The following BMP6 variants were observed in gnomAD, a reference collection of about 807,000 sequenced individuals.
The protein encoded by BMP6 is VG-1-R.
A neutral mutation model predicts 54.1 loss-of-function variants in BMP6; 17 were observed. That is an observed-to-expected ratio of 0.31 (90% confidence interval 0.22 to 0.47). The LOEUF (loss-of-function observed/expected upper bound fraction) is 0.47. BMP6 is among the 20% of genes least tolerant of loss of function. BMP6 has a pLI of 1.00. For missense variants in BMP6, 720 were observed against 690.4 expected (o/e 1.04, Z -0.48); for synonymous variants, 328 against 291.2 (o/e 1.13, Z -1.28).
intron 1 of BMP6, among the ~76,000 whole-genome samples, chr6:7,765,721 C>G (rs1757676551): frequency 6.6e-6 from 1 of 152,230 alleles, no homozygotes. Context: ...GTTATTCTCT[C>G]ACAGCTGTGT....
intron 1 of BMP6, among the ~76,000 whole-genome samples, chr6:7,833,534 G>C (rs1012148053): frequency 6.6e-6 from 1 of 152,184 alleles, no homozygotes; most frequent in Non-Finnish European, 1.5e-5. Context: ...AGAAACGCAA[G>C]CCTCTTTGGA....
At chr6:7,848,158 T>C (rs985312838) in intron 2 of BMP6, among the ~76,000 whole-genome samples, 3 of 152,198 alleles carry the variant, frequency 2.0e-5, no homozygotes, top group African/African-American at 7.2e-5. Context: ...TGAAACTATA[T>C]TTGTAAAGAG....
chr6:7,836,402 C>CATGTGATAG (rs1014464532), intron 1 of BMP6, among the ~76,000 whole-genome samples: 10 of 152,142 alleles, frequency 6.6e-5, no homozygotes, highest in African/African-American at 2.4e-4. Flanking sequence ...TGGATCTATA[C>CATGTGATAG]ATGTGATAAG....
At chr6:7,808,914 T>TACAA (rs1758393273) in intron 1 of BMP6, among the ~76,000 whole-genome samples, 1 of 89,002 alleles carries the variant, frequency 1.1e-5, no homozygotes, top group East Asian at 3.2e-4. Flanking sequence ...ACCCTGTCTC[T>TACAA]AAAAAAAAAA....
intron 1 of BMP6, among the ~76,000 whole-genome samples, chr6:7,774,543 C>T (rs1381973898): frequency 6.6e-6 from 1 of 152,156 alleles, no homozygotes; most frequent in Non-Finnish European, 1.5e-5. Flanking sequence ...CAGAGGGAGA[C>T]TCTGTCTCAA....
chr6:7,827,006 C>T (rs963880211), intron 1 of BMP6, among the ~76,000 whole-genome samples: 1 of 152,184 alleles, frequency 6.6e-6, no homozygotes. Context: ...TGGTACAGAT[C>T]CACCACAACC....
chr6:7,799,882 G>T (rs1758244168), intron 1 of BMP6, among the ~76,000 whole-genome samples: 1 of 152,098 alleles, frequency 6.6e-6, no homozygotes, highest in African/African-American at 2.4e-5. Context: ...ATCTGCATTT[G>T]CTTAAGGAAC....
intron 2 of BMP6, among the ~76,000 whole-genome samples, chr6:7,860,533 C>G (rs1389696522): frequency 6.6e-6 from 1 of 152,170 alleles, no homozygotes; most frequent in Non-Finnish European, 1.5e-5. Flanking sequence ...CACCGTCATC[C>G]CACAGCCCCT....
intron 2 of BMP6, among the ~76,000 whole-genome samples, chr6:7,853,016 G>A (rs1002329132): frequency 8.5e-5 from 13 of 152,054 alleles, no homozygotes; most frequent in Non-Finnish European, 2.9e-5. Context: ...GTGATACTGC[G>A]TAAAGCTCTA....
intron 1 of BMP6, among the ~76,000 whole-genome samples, chr6:7,765,628 G>A (rs1341179452): frequency 6.6e-6 from 1 of 152,234 alleles, no homozygotes; most frequent in East Asian, 1.9e-4. Flanking sequence ...CGCTCTTTTA[G>A]CACATGCTGG....
intron 2 of BMP6, among the ~76,000 whole-genome samples, chr6:7,853,963 T>C (rs1759185067): frequency 6.6e-6 from 1 of 151,816 alleles, no homozygotes; most frequent in Non-Finnish European, 1.5e-5. Flanking sequence ...TCAGCCTATG[T>C]TCTGTTCTTG....
chr6:7,727,289 GAGCAGCAGCAGC>G lies in BMP6; in HGVS notation c.344_355del (p.Gln115_Gln118del), dbSNP rs537332654. Reference sequence around the variant, plus strand: ...GCCCCCGGCGCTCCGGCAGCAGGAGGAGCAGCAGCAGCAGCAGCAGCTGCCTCGCGGAGAGCC... The same window carrying G: ...GCCCCCGGCGCTCCGGCAGCAGGAGGAGCAGCAGCTGCCTCGCGGAGAGCC... On this transcript the variant is annotated inframe_deletion, in exon 1 of 7. Transcript: ENST00000283147. The G allele has an allele frequency of 6.9e-6, 11 of 1,605,798 alleles. No individual in the cohort carries two copies. In the African/African-American group the frequency reaches 8.0e-5, roughly 12 times the overall value.
At chr6:7,816,707 C>T (rs561210313) in intron 1 of BMP6, among the ~76,000 whole-genome samples, 4 of 152,098 alleles carry the variant, frequency 2.6e-5, no homozygotes, top group African/African-American at 9.7e-5. Flanking sequence ...GATTAAAGTG[C>T]ACAGCAGAGT....
chr6:7,831,743 A>G (rs1758797116), intron 1 of BMP6, among the ~76,000 whole-genome samples: 1 of 152,222 alleles, frequency 6.6e-6, no homozygotes, highest in African/African-American at 2.4e-5. Context: ...AAACCCAGAC[A>G]GATGTGTTCA....
intron 1 of BMP6, among the ~76,000 whole-genome samples, chr6:7,809,307 GAAA>G (rs1160264458): frequency 6.6e-6 from 1 of 152,032 alleles, no homozygotes; most frequent in Non-Finnish European, 1.5e-5. Context: ...CCGTGGCCAG[GAAA>G]AAAAGCTGCT....
At chr6:7,763,870 A>G (rs1757648222) in intron 1 of BMP6, among the ~76,000 whole-genome samples, 1 of 152,198 alleles carries the variant, frequency 6.6e-6, no homozygotes, top group African/African-American at 2.4e-5. Context: ...CATCAATGGC[A>G]AGTTATAATT....
intron 1 of BMP6, among the ~76,000 whole-genome samples, chr6:7,775,095 T>C (rs1757844117): frequency 6.6e-6 from 1 of 152,190 alleles, no homozygotes; most frequent in African/African-American, 2.4e-5. Context: ...CCTCGTGACC[T>C]AATCACCTCT....
intron 4 of BMP6, among the ~76,000 whole-genome samples, chr6:7,866,452 T>G (rs1234480341): frequency 6.6e-6 from 1 of 152,252 alleles, no homozygotes. Context: ...GGGTTCACTA[T>G]TTTATCTTCT....
intron 1 of BMP6, among the ~76,000 whole-genome samples, chr6:7,783,864 A>G (rs925026721): frequency 2.6e-5 from 4 of 152,234 alleles, no homozygotes; most frequent in African/African-American, 9.6e-5. Flanking sequence ...AGCAAATGAC[A>G]TTAAAACATT....
Sources: allele counts gnomAD v4.1 joint callset (sites outside exome capture counted in the v4.1 genomes callset), GRCh38; gene constraint gnomAD v4.1.1; transcripts MANE v1.5; gene names NCBI Gene and HGNC (gene_info 2026-07-23, HGNC 2026-07-21).